The following CSNK1D variants were observed in gnomAD, a reference collection of about 807,000 sequenced individuals.
CSNK1D encodes casein kinase 1 delta, also known as casein kinase I isoform delta.
A neutral mutation model predicts 46.6 loss-of-function variants in CSNK1D; 16 were observed. The ratio of observed to expected loss-of-function variants is 0.34; its 90% confidence interval spans 0.23 to 0.52. CSNK1D has a LOEUF of 0.52. Among genes scored for constraint, CSNK1D ranks in the 20% least tolerant of loss-of-function variants. The probability of loss-of-function intolerance (pLI) is 0.95; values close to 1 mark genes in which losing one functional copy is unlikely to be tolerated. For missense variants in CSNK1D, 398 were observed against 578.4 expected, an observed-to-expected ratio of 0.69 and a Z score of 3.20; for synonymous variants, 276 against 228.2, an observed-to-expected ratio of 1.21 and a Z score of -1.89.
chr17:82,254,905 C>CG (rs201736813), intron 3 of CSNK1D, among the ~76,000 whole-genome samples: 6 of 125,334 alleles, frequency 4.8e-5, no homozygotes, highest in African/African-American at 1.7e-4. Flanking sequence ...GCTGAGCCGC[C>CG]GGGGCCTCCA....
chr17:82,244,561 A>C lies in CSNK1D; in HGVS notation c.*220T>G, dbSNP rs2050800934. 3 of 1,481,650 alleles carry C rather than the reference A, an allele frequency of 2.0e-6. No individual in the cohort carries two copies. The African/African-American group carries it at 4.2e-5, about 21-fold the overall frequency. 91.8% of individuals were successfully genotyped at this position (1,481,650 alleles called of 1,614,324 possible). On this transcript the variant is annotated 3_prime_UTR_variant, in exon 9 of 9. Transcript: ENST00000314028. ...TTTCTTCCCAGCCCCGTTACAACCGAGTTCACGTGGGGGGCCGCAGTGCAG... is the reference window on the plus strand; with the variant it reads ...TTTCTTCCCAGCCCCGTTACAACCGCGTTCACGTGGGGGGCCGCAGTGCAG...
intron 2 of CSNK1D, among the ~76,000 whole-genome samples, chr17:82,263,791 G>A (rs149624745): frequency 1.6e-4 from 25 of 152,314 alleles, no homozygotes; most frequent in Admixed American, 5.2e-4. Context: ...GCCACACCCC[G>A]CACCACCCTG....
At chr17:82,246,996 G>A in intron 8 of CSNK1D, 1 of 985,506 alleles carries the variant, frequency 1.0e-6, no homozygotes, top group Non-Finnish European at 1.2e-6. Context: ...GAGTCTGGCA[G>A]GAAGGACACA....
rs2050930544 is a variant in CSNK1D at position 82,249,152 on chromosome 17, AC to A, written c.1058-139del. On this transcript the variant is annotated intron_variant, in intron 7 of 8. Coordinates refer to ENST00000314028, the MANE Select transcript of CSNK1D (RefSeq NM_001893.6). The surrounding 1 kb of genome is among the most constrained non-coding windows in gnomAD (Gnocchi z 6.7). ...ACCTGGCTGTGGCCGATGGCCACCA[AC>A]ACTCAGATCCGGCCGGAGGGACACA... 4.5e-6 allele frequency: 5 copies of A among 1,100,622 alleles called. No individual in the cohort carries two copies. In the South Asian group the frequency reaches 7.7e-5, roughly 17 times the overall value. The allele number at this position is 1,100,622 out of a possible 1,614,324, so 68.2% of individuals were successfully genotyped here.
chr17:82,271,167 C>T (rs1314462558), intron 1 of CSNK1D, among the ~76,000 whole-genome samples: 4 of 152,194 alleles, frequency 2.6e-5, no homozygotes, highest in Admixed American at 2.6e-4. Context: ...CCTCCGCCTC[C>T]CAGGTTCAAG....
chr17:82,272,758 CCT>C (rs2051663823), intron 1 of CSNK1D, among the ~76,000 whole-genome samples: 1 of 152,220 alleles, frequency 6.6e-6, no homozygotes, highest in Admixed American at 6.5e-5. Flanking sequence ...ACCGGGGCAG[CCT>C]CTGAGGGGGC....
At chr17:82,247,320 G>A in intron 8 of CSNK1D, 1 of 985,434 alleles carries the variant, frequency 1.0e-6, no homozygotes, top group Non-Finnish European at 1.2e-6. Context: ...GCCACACCCA[G>A]GTGCCGCCAA....
At chr17:82,267,533 T>A (rs1397428762) in intron 1 of CSNK1D, among the ~76,000 whole-genome samples, 1 of 152,174 alleles carries the variant, frequency 6.6e-6, no homozygotes, top group Non-Finnish European at 1.5e-5. Context: ...GTGACCATTC[T>A]AGATTTAAGA....
intron 8 of CSNK1D, chr17:82,245,834 G>C: frequency 1.2e-6 from 1 of 865,082 alleles, no homozygotes; most frequent in Middle Eastern, 3.3e-4. Flanking sequence ...CACCCCACAA[G>C]AAGAACAGAG....
rs1163221896 is a variant in CSNK1D, at chr17:82,251,457, C to T, written c.807G>A (p.Leu269=). 6.2e-7 allele frequency: 1 copy of T among 1,614,142 alleles called. No homozygotes were observed. The highest frequency in any genetic ancestry group is 2.2e-5 in the East Asian group (1 of 44,886). Residue 269 remains leucine (L), a synonymous_variant, in exon 6 of 9, where the codon CTG becomes CTA. Transcript: ENST00000314028. This position sits in a 1 kb window ranked among gnomAD's most constrained non-coding sequence, Gnocchi z 4.5. ...RFDDKPDYSY[L]RQLFRNLFHR... is the part of the protein sequence containing the mutation. ...GGAACAGATTCCGGAAAAGCTGCCG[C>T]AGGTACGAGTAGTCAGGCTTGTCGT... is the stretch of plus-strand genomic sequence containing the variant.
rs537974459 is a variant in CSNK1D at position 82,260,140 on chromosome 17, G to C, written c.188-4563C>G. ...ACTGATGTGACTGATGGTGTACTGA[G>C]TGATGTGACTGATGGTGTACTGACT... On this transcript the variant is annotated intron_variant, in intron 2 of 8. Transcript: ENST00000314028. Among the ~76,000 whole-genome samples, 993 of 149,152 alleles carry C rather than the reference G, an allele frequency of 6.7e-3. 6 individuals are homozygous for C. Among genetic ancestry groups the C allele is most frequent in the South Asian group, 0.011 (53 of 4,638 alleles).
At chr17:82,267,153 A>T (rs1381463483) in intron 1 of CSNK1D, 3 of 151,972 alleles carry the variant, frequency 2.0e-5, no homozygotes, top group Non-Finnish European at 4.4e-5. Flanking sequence ...GCCCAGACAA[A>T]GCCCTGGGAG....
At position 82,255,345 on chromosome 17, in the gene CSNK1D, A is replaced by G. The variant is rs2051150498; in HGVS notation, c.336+84T>C. On this transcript the variant is annotated intron_variant, in intron 3 of 8. Coordinates refer to ENST00000314028, the MANE Select transcript of CSNK1D (RefSeq NM_001893.6). This position sits in a 1 kb window ranked among gnomAD's most constrained non-coding sequence, Gnocchi z 5.9. ...CCATTTCCTCTGTGAATTAATGGCCATAATAATGGCAAGAACAGCACAAGC... is the reference window on the plus strand; with the variant it reads ...CCATTTCCTCTGTGAATTAATGGCCGTAATAATGGCAAGAACAGCACAAGC... The G allele has an allele frequency of 1.3e-6, 2 of 1,520,338 alleles. No individual in the cohort carries two copies. The highest frequency in any genetic ancestry group is 1.8e-6 in the Non-Finnish European group (2 of 1,095,350). 94.2% of individuals were successfully genotyped at this position (1,520,338 alleles called of 1,614,324 possible). A position where few individuals can be genotyped will look rare whatever the true frequency, so the allele number is the denominator to read the frequency against.
intron 2 of CSNK1D, chr17:82,261,110 G>C (rs1041653024): frequency 6.5e-6 from 1 of 154,852 alleles, no homozygotes. Flanking sequence ...AAGTAACAAT[G>C]TACCCCGTCA....
intron 1 of CSNK1D, among the ~76,000 whole-genome samples, chr17:82,267,618 G>A (rs1336499815): frequency 1.3e-5 from 2 of 152,220 alleles, no homozygotes; most frequent in African/African-American, 2.4e-5. Context: ...CTACAGTTGG[G>A]ACAGTCTATC....
At chr17:82,271,098 C>CA (rs1464387642) in intron 1 of CSNK1D, among the ~76,000 whole-genome samples, 1 of 152,170 alleles carries the variant, frequency 6.6e-6, no homozygotes, top group African/African-American at 2.4e-5. Flanking sequence ...TTTTTTGAGA[C>CA]AGAGTCTCAC....
intron 8 of CSNK1D, chr17:82,245,830 A>T: frequency 1.2e-6 from 1 of 841,078 alleles, no homozygotes; most frequent in Non-Finnish European, 1.9e-6. Context: ...TCTGCACCCC[A>T]CAAGAAGAAC....
chr17:82,262,149 G>T (rs1161564045), intron 2 of CSNK1D, among the ~76,000 whole-genome samples: 1 of 152,194 alleles, frequency 6.6e-6, no homozygotes, highest in Non-Finnish European at 1.5e-5. Context: ...TACTATTTCA[G>T]GTATTGAATC....
intron 8 of CSNK1D, 56 bp from the exon 9 acceptor site, chr17:82,244,887 G>A: frequency 1.9e-6 from 3 of 1,610,836 alleles, no homozygotes; most frequent in South Asian, 1.1e-5. Context: ...AGCCGGCCAG[G>A]CAGATACCAC....
Sources: gnomAD v4.1 joint callset for allele counts (sites outside exome capture counted in the v4.1 genomes callset) on GRCh38, gnomAD v4.1.1 for gene constraint, Gnocchi (gnomAD v3.1) non-coding constraint, MANE v1.5 for transcripts, NCBI Gene and HGNC (gene_info 2026-07-23, HGNC 2026-07-21) for gene names.